Variants in ASPH observed in about 807,000 individuals in gnomAD.
ASPH encodes the protein aspartate beta-hydroxylase, also known as aspartyl/asparaginyl beta-hydroxylase.
Under a neutral mutation model 118.4 loss-of-function variants are expected in ASPH, and 100 were observed. The ratio of observed to expected loss-of-function variants is 0.84; its 90% confidence interval spans 0.72 to 1.00. The LOEUF (loss-of-function observed/expected upper bound fraction) is 1.00. ASPH is among the 50% of genes least tolerant of loss of function. The probability of loss-of-function intolerance (pLI) is 0.00; values close to 1 mark genes in which losing one functional copy is unlikely to be tolerated. For synonymous variants in ASPH, 315 were observed against 325.6 expected (o/e 0.97, Z 0.35); for missense variants, 920 against 919.5 (o/e 1.00, Z -0.01).
Position 61,644,011 on chromosome 8 carries a change from A to G in ASPH, c.653-10T>C. 1 of 1,598,546 alleles carries G rather than the reference A, an allele frequency of 6.3e-7. No homozygotes were observed. Among genetic ancestry groups the G allele is most frequent in the South Asian group, 1.1e-5 (1 of 90,112 alleles). ...TTACAGTCTTGTGAAACTATAAATT[A>G]TGGAATAATTAGGAAATTACGTCTC... On this transcript the variant is annotated splice_polypyrimidine_tract_variant and intron_variant, in intron 7 of 24. Transcript: ENST00000379454.
chr8:61,705,567 A>G (rs552341883), intron 1 of ASPH, among the ~76,000 whole-genome samples: 1 of 152,388 alleles, frequency 6.6e-6, no homozygotes, highest in East Asian at 1.9e-4. Flanking sequence ...AATAGAAAAC[A>G]CTAATCTATG....
At chr8:61,538,770 C>T (rs1331756095) in intron 21 of ASPH, among the ~76,000 whole-genome samples, 1 of 152,154 alleles carries the variant, frequency 6.6e-6, no homozygotes, top group Non-Finnish European at 1.5e-5. Context: ...AATAAAACTA[C>T]AATATGAAGA....
At chr8:61,671,232 A>G (rs1199463708) in intron 3 of ASPH, among the ~76,000 whole-genome samples, 3 of 152,148 alleles carry the variant, frequency 2.0e-5, no homozygotes, top group Non-Finnish European at 4.4e-5. Flanking sequence ...AATTCTTATC[A>G]TTTGCAACTT....
chr8:61,705,699 G>T (rs192170016), intron 1 of ASPH, among the ~76,000 whole-genome samples: 1 of 152,196 alleles, frequency 6.6e-6, no homozygotes, highest in East Asian at 1.9e-4. Flanking sequence ...GTTTTACAAA[G>T]GTAGAAATGG....
Position 61,503,424 on chromosome 8 carries a change from A to C in ASPH, c.2212T>G (p.Phe738Val). Reference sequence around the variant, plus strand: ...TCCGGATGCCACACATCCACGATGAATATCAGCCGGAAAGATGAGGCATCC... The same window carrying C: ...TCCGGATGCCACACATCCACGATGACTATCAGCCGGAAAGATGAGGCATCC... ...WQDASSFRLI[F>V]IVDVWHPELT... The change falls in exon 25 of 25, where the codon TTC (phenylalanine) becomes GTC (valine). Residue 738 changes from phenylalanine (F) to valine (V), a missense_variant. Phe to Val is a conservative substitution (Grantham distance 50). Transcript: ENST00000379454. The C allele has an allele frequency of 6.2e-7, 1 of 1,613,300 alleles. No individual in the cohort carries two copies. The highest frequency in any genetic ancestry group is 8.5e-7 in the Non-Finnish European group (1 of 1,179,734).
intron 1 of ASPH, among the ~76,000 whole-genome samples, chr8:61,710,763 T>C (rs1424728006): frequency 1.3e-5 from 2 of 152,166 alleles, no homozygotes; most frequent in Admixed American, 6.5e-5. Flanking sequence ...AAAATTTTGC[T>C]AGGGCCTCTT....
chr8:61,593,189 G>A (rs1841643538), intron 14 of ASPH, among the ~76,000 whole-genome samples: 1 of 152,058 alleles, frequency 6.6e-6, no homozygotes, highest in South Asian at 2.1e-4. Context: ...AGCCATGGAG[G>A]TGCTTCTGGC....
At chr8:61,553,008 T>A (rs1282142825) in intron 20 of ASPH, 23 bp downstream of exon 20, 4 of 1,549,946 alleles carry the variant, frequency 2.6e-6, no homozygotes, top group Non-Finnish European at 3.6e-6. Flanking sequence ...TTAGAGAGAA[T>A]CAGAAATTCA....
chr8:61,683,959 G>T, intron 2 of ASPH, 80 bp downstream of exon 2: 1 of 1,490,070 alleles, frequency 6.7e-7, no homozygotes, highest in Non-Finnish European at 9.2e-7. Context: ...GTACCAGAAA[G>T]ATGATAACAA....
At chr8:61,622,711 C>T (rs931776421) in intron 13 of ASPH, among the ~76,000 whole-genome samples, 5 of 152,172 alleles carry the variant, frequency 3.3e-5, no homozygotes, top group East Asian at 1.9e-4. Context: ...CACCAGCTGC[C>T]GGAGAGTTGC....
intron 13 of ASPH, chr8:61,625,243 T>C (rs916445623): frequency 1.2e-5 from 12 of 985,670 alleles, no homozygotes; most frequent in Non-Finnish European, 1.4e-5. Context: ...GAAGAAAATC[T>C]TCAGTGTAGA....
At chr8:61,695,929 T>C (rs1589271314) in intron 1 of ASPH, among the ~76,000 whole-genome samples, 1 of 152,330 alleles carries the variant, frequency 6.6e-6, no homozygotes, top group Non-Finnish European at 1.5e-5. Flanking sequence ...CCCATCTCCA[T>C]GAATTTAATG....
chr8:61,523,294 A>C (rs1437657661), intron 22 of ASPH, among the ~76,000 whole-genome samples: 1 of 143,752 alleles, frequency 7.0e-6, no homozygotes, highest in African/African-American at 2.5e-5. Flanking sequence ...ACTTGCCATC[A>C]CACTTATTAT....
At chr8:61,617,418 T>C (rs527966945) in intron 14 of ASPH, among the ~76,000 whole-genome samples, 1 of 152,342 alleles carries the variant, frequency 6.6e-6, no homozygotes, top group Admixed American at 6.5e-5. Flanking sequence ...CCTTCTTGCC[T>C]TGTGTTTTCT....
At chr8:61,700,728 G>A (rs1835050021) in intron 1 of ASPH, among the ~76,000 whole-genome samples, 1 of 152,134 alleles carries the variant, frequency 6.6e-6, no homozygotes, top group South Asian at 2.1e-4. Context: ...AAGCTGAAAG[G>A]ATTCATAACA....
chr8:61,614,835 T>C, intron 14 of ASPH, among the ~76,000 whole-genome samples: 1 of 152,154 alleles, frequency 6.6e-6, no homozygotes, highest in East Asian at 1.9e-4. Flanking sequence ...CCACCCATTA[T>C]CAAACCCTAC....
At chr8:61,683,142 C>T (rs1171099369) in intron 2 of ASPH, among the ~76,000 whole-genome samples, 1 of 151,786 alleles carries the variant, frequency 6.6e-6, no homozygotes, top group Non-Finnish European at 1.5e-5. Flanking sequence ...AACAAAAGCA[C>T]AGACACAGAA....
At chr8:61,613,802 A>AT (rs1210191179) in intron 14 of ASPH, among the ~76,000 whole-genome samples, 3 of 152,196 alleles carry the variant, frequency 2.0e-5, no homozygotes, top group South Asian at 2.1e-4. Flanking sequence ...TAAGAAGTTT[A>AT]TTTTTTTATC....
At chr8:61,518,204 T>A (rs1299064013) in intron 22 of ASPH, 81 bp from the exon 23 acceptor site, 2 of 1,212,734 alleles carry the variant, frequency 1.6e-6, no homozygotes, top group Non-Finnish European at 2.4e-6. Flanking sequence ...GAGAGCTATA[T>A]GTCATCCTCA....
Sources: gnomAD v4.1 joint callset for allele counts (sites outside exome capture counted in the v4.1 genomes callset) on GRCh38, gnomAD v4.1.1 for gene constraint, MANE v1.5 for transcripts, NCBI Gene and HGNC (gene_info 2026-07-23, HGNC 2026-07-21) for gene names.